Variants in TACC2 observed in about 807,000 individuals in gnomAD.
TACC2 encodes transforming acidic coiled-coil containing protein 2.
A neutral mutation model predicts 227.3 loss-of-function variants in TACC2; 137 were observed. That is an observed-to-expected ratio of 0.60 (90% CI 0.52 to 0.69). The LOEUF is 0.69. Ranked by LOEUF, TACC2 falls within the 30% of genes least tolerant of loss-of-function variation. The pLI is 0.00. For synonymous variants in TACC2, 1,523 were observed against 1,487.5 expected (o/e 1.02, Z -0.55); for missense variants, 3,470 against 3,694.4 (o/e 0.94, Z 1.57).
rs528542421 is a variant in TACC2, at chr10:122,150,080, G to T, written c.5834+6374G>T. On this transcript the variant is annotated intron_variant, in intron 7 of 22. Coordinates refer to ENST00000369005, the MANE Select transcript of TACC2 (RefSeq NM_206862.4). The surrounding 1 kb of genome is among the most constrained non-coding windows in gnomAD (Gnocchi z 4.0). ...CGTCAGTTAGATGGTGGCTCCCTCA[G>T]TTCCGTGGGCCCAGGTCTGCAGTTC... is the stretch of plus-strand genomic sequence containing the variant. Among the ~76,000 whole-genome samples, 5 of 152,204 alleles carry T rather than the reference G, an allele frequency of 3.3e-5. No homozygotes were observed. Among genetic ancestry groups the T allele is most frequent in the South Asian group, 2.1e-4 (1 of 4,836 alleles).
At chr10:122,077,203 T>C (rs1399059856) in intron 3 of TACC2, among the ~76,000 whole-genome samples, 3 of 152,070 alleles carry the variant, frequency 2.0e-5, no homozygotes, top group Admixed American at 2.0e-4. Context: ...GTATCCTTGA[T>C]TTGGGTTCAG....
Position 122,004,377 on chromosome 10 carries a change from G to A in TACC2, c.-46+14889G>A, listed in dbSNP as rs886280615. Among the ~76,000 whole-genome samples the A allele has an allele frequency of 3.4e-5, 5 of 146,586 alleles. No individual in the cohort carries two copies. The East Asian group carries it at 6.1e-4, about 18-fold the overall frequency. ...CGTGCTACTGCACTCTAGCCTGGGC[G>A]ACAGAGCGAGACTCTGTCTCAAAAA... On this transcript the variant is annotated intron_variant, in intron 1 of 22. Coordinates refer to ENST00000369005, the MANE Select transcript of TACC2 (RefSeq NM_206862.4).
chr10:122,189,698 T>C (rs1224525358), intron 7 of TACC2, among the ~76,000 whole-genome samples: 3 of 152,218 alleles, frequency 2.0e-5, no homozygotes, highest in African/African-American at 4.8e-5. Context: ...TAAGCAATGC[T>C]CAAGAAGGAA....
intron 8 of TACC2, among the ~76,000 whole-genome samples, chr10:122,198,290 G>A (rs546751199): frequency 6.6e-6 from 1 of 152,168 alleles, no homozygotes; most frequent in Non-Finnish European, 1.5e-5. Flanking sequence ...CAGCTGGGGC[G>A]GGCCAGGACT....
chr10:122,041,140 A>C (rs1038358596), intron 2 of TACC2, among the ~76,000 whole-genome samples: 9 of 152,200 alleles, frequency 5.9e-5, no homozygotes, highest in African/African-American at 2.2e-4. Flanking sequence ...TATGTTGCTC[A>C]GGCGCTGTGT....
At chr10:122,016,566 TAAA>T (rs35641018) in intron 1 of TACC2, among the ~76,000 whole-genome samples, 2 of 135,170 alleles carry the variant, frequency 1.5e-5, no homozygotes, top group Non-Finnish European at 1.6e-5. Context: ...GACTCTGTCT[TAAA>T]AAAAAAAAAA....
At chr10:122,248,970 C>G in intron 20 of TACC2, 80 bp from the exon 21 acceptor site, 1 of 1,498,874 alleles carries the variant, frequency 6.7e-7, no homozygotes, top group Non-Finnish European at 9.2e-7. Context: ...CACCTGCATC[C>G]GAGAGTTCCT....
intron 7 of TACC2, among the ~76,000 whole-genome samples, chr10:122,148,821 T>C (rs2139407009): frequency 6.6e-6 from 1 of 152,332 alleles, no homozygotes; most frequent in East Asian, 1.9e-4. Flanking sequence ...CATTAGGCCG[T>C]AGGCCTTGGG....
At chr10:122,148,309 G>A (rs571505509) in intron 7 of TACC2, among the ~76,000 whole-genome samples, 10 of 152,206 alleles carry the variant, frequency 6.6e-5, no homozygotes, top group East Asian at 1.9e-4. Flanking sequence ...TCACCATGTC[G>A]ACCAGGCTGG....
At chr10:122,128,439 C>T (rs1214312342) in intron 5 of TACC2, among the ~76,000 whole-genome samples, 7 of 152,192 alleles carry the variant, frequency 4.6e-5, no homozygotes, top group Admixed American at 2.0e-4. Context: ...AAAATGCCAT[C>T]ACGTAGAATA....
chr10:122,098,984 T>C (rs899926962), intron 5 of TACC2, among the ~76,000 whole-genome samples: 4 of 152,334 alleles, frequency 2.6e-5, no homozygotes, highest in African/African-American at 7.2e-5. Flanking sequence ...GTTAACCTCT[T>C]GCCAGGAGCG....
intron 5 of TACC2, among the ~76,000 whole-genome samples, chr10:122,102,771 T>C (rs2082318866): frequency 1.3e-5 from 2 of 152,148 alleles, no homozygotes; most frequent in African/African-American, 2.4e-5. Flanking sequence ...TTGTGTGAAC[T>C]GGGCTCTGTG....
chr10:122,080,796 G>A (rs556118176), intron 3 of TACC2, among the ~76,000 whole-genome samples: 1 of 152,284 alleles, frequency 6.6e-6, no homozygotes, highest in South Asian at 2.1e-4. Flanking sequence ...TGGAAAACTG[G>A]AATTTTGGTA....
At chr10:122,198,814 A>G (rs920521546) in intron 8 of TACC2, among the ~76,000 whole-genome samples, 6 of 152,150 alleles carry the variant, frequency 3.9e-5, no homozygotes, top group Admixed American at 6.5e-5. Context: ...GTAGGTGTTG[A>G]GTGAAAGTTG....
chr10:122,201,669 A>G (rs1276157728), intron 8 of TACC2, among the ~76,000 whole-genome samples: 2 of 152,360 alleles, frequency 1.3e-5, no homozygotes, highest in African/African-American at 4.8e-5. Flanking sequence ...ACAGTGGGCC[A>G]TGGATGGATC....
At chr10:122,126,316 C>CTGTGTGTGTGTGTGTG (rs3037067) in intron 5 of TACC2, among the ~76,000 whole-genome samples, 23,868 of 141,832 alleles carry the variant, frequency 0.17, 2,628 homozygotes, top group Non-Finnish European at 0.25. Flanking sequence ...TAATCCAGAA[C>CTGTGTGTGTGTGTGTG]TGTGTGTGTG....
At chr10:122,030,362 G>A (rs1161122128) in intron 2 of TACC2, among the ~76,000 whole-genome samples, 1 of 152,292 alleles carries the variant, frequency 6.6e-6, no homozygotes, top group South Asian at 2.1e-4. Flanking sequence ...CGAAGGGTTA[G>A]TACTTTCAAA....
chr10:122,248,069 C>T (rs1401027323), intron 19 of TACC2: 2 of 153,258 alleles, frequency 1.3e-5, no homozygotes. Context: ...GAAATAGCTC[C>T]GTGTTTCTTG....
intron 1 of TACC2, among the ~76,000 whole-genome samples, chr10:122,019,423 A>G (rs1375482348): frequency 1.3e-5 from 2 of 152,236 alleles, no homozygotes; most frequent in Non-Finnish European, 2.9e-5. Context: ...ATTTTTAGAA[A>G]GAAAGGTTTG....
Sources: gnomAD v4.1 joint callset for allele counts (sites outside exome capture counted in the v4.1 genomes callset) on GRCh38, gnomAD v4.1.1 for gene constraint, Gnocchi (gnomAD v3.1) non-coding constraint, MANE v1.5 for transcripts, NCBI Gene and HGNC (gene_info 2026-07-23, HGNC 2026-07-21) for gene names.